ATF6: variants seen among roughly 807,000 people sequenced by gnomAD.
ATF6 encodes the protein activating transcription factor 6, also known as cyclic AMP-dependent transcription factor ATF-6 alpha.
ATF6 carries 53 observed loss-of-function variants against 83.6 expected under a neutral mutation model. The ratio of observed to expected loss-of-function variants is 0.63; its 90% CI spans 0.51 to 0.80. The LOEUF is 0.80. Among genes scored for constraint, ATF6 ranks in the 30% least tolerant of loss-of-function variants. The pLI, the probability that ATF6 is intolerant of heterozygous loss-of-function variation, is 0.00. For synonymous variants in ATF6, 288 were observed against 285.8 expected (o/e 1.01, Z -0.08); for missense variants, 744 against 797.9 (o/e 0.93, Z 0.81).
chr1:161,789,673 T>C lies in ATF6; in HGVS notation c.355-1735T>C, dbSNP rs12740487. On this transcript the variant is annotated intron_variant, in intron 4 of 15. Coordinates refer to ENST00000367942, the MANE Select transcript of ATF6 (RefSeq NM_007348.4). ...TTATCCTGACTTTAATTGTAATGCA[T>C]TCAGCATTGGACTTGGCTGTATAAT... Among the ~76,000 whole-genome samples the C allele has an allele frequency of 8.7e-3, 1,321 of 152,316 alleles. 9 individuals carry two copies. Among genetic ancestry groups the C allele is most frequent in the Non-Finnish European group, 0.012 (829 of 68,024 alleles).
intron 10 of ATF6, among the ~76,000 whole-genome samples, chr1:161,848,464 C>G (rs188683080): frequency 3.9e-5 from 6 of 152,026 alleles, no homozygotes; most frequent in Admixed American, 3.3e-4. Flanking sequence ...ATTCTAATCC[C>G]ATAGTTTATA....
chr1:161,946,409 G>A (rs954646065), intron 15 of ATF6, among the ~76,000 whole-genome samples: 2 of 152,204 alleles, frequency 1.3e-5, no homozygotes, highest in Non-Finnish European at 2.9e-5. Flanking sequence ...CCTCCAGAAA[G>A]ACTATGTTTT....
intron 10 of ATF6, among the ~76,000 whole-genome samples, chr1:161,849,569 G>A (rs1312360794): frequency 1.3e-5 from 2 of 152,056 alleles, no homozygotes; most frequent in Non-Finnish European, 2.9e-5. Context: ...TTCCTTTTGT[G>A]TTACTATGGT....
At chr1:161,858,270 A>G (rs776419346) in intron 12 of ATF6, among the ~76,000 whole-genome samples, 5 of 152,200 alleles carry the variant, frequency 3.3e-5, no homozygotes, top group African/African-American at 7.2e-5. Flanking sequence ...CTTAAATCCA[A>G]CCATATTAGT....
At chr1:161,842,047 A>C (rs781011552) in intron 9 of ATF6, among the ~76,000 whole-genome samples, 4 of 152,210 alleles carry the variant, frequency 2.6e-5, no homozygotes, top group Admixed American at 6.5e-5. Context: ...TTAAAGTATC[A>C]ATAGTTCTGA....
intron 9 of ATF6, among the ~76,000 whole-genome samples, chr1:161,836,905 T>A (rs1686232315): frequency 6.6e-6 from 1 of 152,178 alleles, no homozygotes; most frequent in Non-Finnish European, 1.5e-5. Flanking sequence ...TTCTACCTAG[T>A]GAGAAGGGGT....
intron 6 of ATF6, among the ~76,000 whole-genome samples, chr1:161,793,544 C>A (rs1557963256): frequency 6.6e-6 from 1 of 152,214 alleles, no homozygotes; most frequent in East Asian, 1.9e-4. Context: ...GTCTCCAAAA[C>A]TTTCATTAGG....
chr1:161,829,429 C>T (rs899134427), intron 9 of ATF6, among the ~76,000 whole-genome samples: 1 of 152,084 alleles, frequency 6.6e-6, no homozygotes, highest in African/African-American at 2.4e-5. Context: ...CTACAGAACT[C>T]TCCACCCCAA....
At chr1:161,824,714 CTG>C (rs1201484176) in intron 9 of ATF6, among the ~76,000 whole-genome samples, 3 of 152,180 alleles carry the variant, frequency 2.0e-5, no homozygotes, top group Non-Finnish European at 4.4e-5. Context: ...TCTCAAAAAA[CTG>C]TGTGTTCTTT....
chr1:161,820,875 C>T (rs1275164148), intron 8 of ATF6, among the ~76,000 whole-genome samples, 195 bp from the exon 9 acceptor site: 6 of 151,560 alleles, frequency 4.0e-5, no homozygotes, highest in African/African-American at 1.5e-4. Flanking sequence ...GAAAAGGGAA[C>T]CTGGAAGTCT....
chr1:161,850,459 C>A (rs1361981878), intron 10 of ATF6, among the ~76,000 whole-genome samples: 2 of 152,156 alleles, frequency 1.3e-5, no homozygotes, highest in Admixed American at 1.3e-4. Flanking sequence ...CTTCTCGGAC[C>A]ATTTTATCTA....
chr1:161,942,473 C>T lies in ATF6; in HGVS notation c.1805-15973C>T, dbSNP rs540727924. 4.8e-4 allele frequency among the ~76,000 whole-genome samples: 73 copies of T among 152,240 alleles called. 1 individual carries two copies. The highest frequency in any genetic ancestry group is 5.9e-5 in the Non-Finnish European group (4 of 68,016). On this transcript the variant is annotated intron_variant, in intron 15 of 15. Transcript: ENST00000367942. ...ACTTGACATTATTAACTCTTGCAAC[C>T]ACCCTATGGGTTAGGTATTAATATC... is the stretch of plus-strand genomic sequence containing the variant.
intron 15 of ATF6, among the ~76,000 whole-genome samples, chr1:161,934,422 C>G (rs1688499426): frequency 6.6e-6 from 1 of 152,196 alleles, no homozygotes; most frequent in Non-Finnish European, 1.5e-5. Context: ...AGTGACATAG[C>G]AGCTGTGTGC....
At chr1:161,912,241 G>A in intron 14 of ATF6, 55 bp from the exon 15 acceptor site, 1 of 1,339,836 alleles carries the variant, frequency 7.5e-7, no homozygotes, top group South Asian at 1.4e-5. Flanking sequence ...AATTTGGCCT[G>A]TTCTAGGACT....
chr1:161,846,171 T>C (rs1289834556), intron 9 of ATF6, among the ~76,000 whole-genome samples: 1 of 152,222 alleles, frequency 6.6e-6, no homozygotes, highest in African/African-American at 2.4e-5. Context: ...ATACATGTAA[T>C]TATCAAGTTT....
intron 9 of ATF6, among the ~76,000 whole-genome samples, chr1:161,837,498 G>T (rs758815483): frequency 3.9e-5 from 6 of 152,150 alleles, no homozygotes; most frequent in Non-Finnish European, 8.8e-5. Context: ...GGCCTCTGAG[G>T]AGCCAGAAGT....
At chr1:161,926,219 C>T (rs1335553983) in intron 15 of ATF6, among the ~76,000 whole-genome samples, 3 of 152,096 alleles carry the variant, frequency 2.0e-5, no homozygotes, top group African/African-American at 7.2e-5. Context: ...ATGGGTAGTT[C>T]ATATTTAAAA....
chr1:161,833,497 A>G (rs931694477), intron 9 of ATF6, among the ~76,000 whole-genome samples: 7 of 152,134 alleles, frequency 4.6e-5, no homozygotes, highest in Non-Finnish European at 1.0e-4. Context: ...AAAAAAGTTA[A>G]AAACTTTGAA....
At chr1:161,809,881 T>C (rs528860488) in intron 7 of ATF6, among the ~76,000 whole-genome samples, 1 of 152,354 alleles carries the variant, frequency 6.6e-6, no homozygotes, top group South Asian at 2.1e-4. Context: ...CACTTTTTGA[T>C]GGGGTTGTTT....
Sources: allele counts gnomAD v4.1 joint callset (sites outside exome capture counted in the v4.1 genomes callset), GRCh38; gene constraint gnomAD v4.1.1; transcripts MANE v1.5; gene names NCBI Gene and HGNC (gene_info 2026-07-23, HGNC 2026-07-21).